The following BCL2 variants were observed in gnomAD, a reference collection of about 807,000 sequenced individuals.
BCL2 encodes apoptosis regulator Bcl-2.
Under a neutral mutation model 14.2 loss-of-function variants are expected in BCL2, and 1 was observed. The observed-to-expected ratio is 0.07, with a 90% CI of 0.02 to 0.33. The LOEUF is 0.33. Among genes scored for constraint, BCL2 ranks in the 10% least tolerant of loss-of-function variants. The pLI is 0.99. For synonymous variants in BCL2, 151 were observed against 137.2 expected (o/e 1.10, Z -0.70); for missense variants, 247 against 305.9 (o/e 0.81, Z 1.44).
chr18:63,302,431 G>C (rs1213354095), intron 2 of BCL2: 1 of 985,232 alleles, frequency 1.0e-6, no homozygotes, highest in African/African-American at 1.7e-5. Flanking sequence ...TTAATGAAAG[G>C]TCACTATTGT....
At chr18:63,254,704 T>C (rs1341640875) in intron 2 of BCL2, among the ~76,000 whole-genome samples, 8 of 152,138 alleles carry the variant, frequency 5.3e-5, no homozygotes, top group African/African-American at 1.7e-4. Flanking sequence ...AAAATATGGG[T>C]TATAGAAAAG....
chr18:63,295,976 T>C (rs1306633274), intron 2 of BCL2, among the ~76,000 whole-genome samples: 1 of 152,170 alleles, frequency 6.6e-6, no homozygotes, highest in Non-Finnish European at 1.5e-5. Context: ...CACATGCTTG[T>C]CTCACCCTGA....
In BCL2 at chr18:63,127,421, C is replaced by T. The variant is rs1564483; in HGVS notation, c.*1204G>A. ...CAGTGATACATGTCTTAAGAAGGGT[C>T]GTGGCTCCCATGCTCCACGTGAAAA... On this transcript the variant is annotated 3_prime_UTR_variant, in exon 3 of 3. Coordinates refer to ENST00000333681, the MANE Select transcript of BCL2 (RefSeq NM_000633.3). 54,375 of 235,960 alleles carry T rather than the reference C, an allele frequency of 0.23. 6,861 individuals carry two copies. The highest frequency in any genetic ancestry group is 0.32 in the East Asian group (5,418 of 16,980). 14.6% of individuals were successfully genotyped at this position (235,960 alleles called of 1,614,324 possible).
At chr18:63,198,199 G>A (rs1909504123) in intron 2 of BCL2, among the ~76,000 whole-genome samples, 1 of 148,948 alleles carries the variant, frequency 6.7e-6, no homozygotes, top group African/African-American at 2.5e-5. Flanking sequence ...CACACACAGA[G>A]ACACACACAG....
At chr18:63,275,341 C>G (rs1912123308) in intron 2 of BCL2, among the ~76,000 whole-genome samples, 1 of 152,158 alleles carries the variant, frequency 6.6e-6, no homozygotes, top group African/African-American at 2.4e-5. Context: ...TGAAAACACA[C>G]TCAGCAACAA....
At chr18:63,273,259 A>G (rs942905697) in intron 2 of BCL2, among the ~76,000 whole-genome samples, 1 of 152,240 alleles carries the variant, frequency 6.6e-6, no homozygotes, top group Non-Finnish European at 1.5e-5. Flanking sequence ...TGGAAAATGC[A>G]TCATACAAAC....
chr18:63,145,126 T>A (rs1333687701), intron 2 of BCL2, among the ~76,000 whole-genome samples: 1 of 152,202 alleles, frequency 6.6e-6, no homozygotes, highest in East Asian at 1.9e-4. Flanking sequence ...AGAACAAAAT[T>A]TCCTTGAGTC....
intron 2 of BCL2, among the ~76,000 whole-genome samples, chr18:63,199,414 AACAT>A (rs1167053867): frequency 1.1e-4 from 17 of 151,654 alleles, no homozygotes; most frequent in Admixed American, 1.1e-3. Flanking sequence ...CACAGCCATA[AACAT>A]ACAAACACTA....
At chr18:63,251,654 AAG>A (rs1911320630) in intron 2 of BCL2, among the ~76,000 whole-genome samples, 1 of 151,074 alleles carries the variant, frequency 6.6e-6, no homozygotes. Flanking sequence ...CAAAAAAAAA[AAG>A]AAAGAAAGAA....
intron 2 of BCL2, chr18:63,151,441 GTT>G: frequency 6.9e-6 from 1 of 145,644 alleles, no homozygotes; most frequent in East Asian, 2.1e-4. Context: ...GGCCATGACG[GTT>G]CAGAGAAGGG....
At chr18:63,188,450 A>G (rs973760327) in intron 2 of BCL2, among the ~76,000 whole-genome samples, 2 of 152,212 alleles carry the variant, frequency 1.3e-5, no homozygotes, top group African/African-American at 4.8e-5. Context: ...TGCCATCATC[A>G]TTATCTTCAA....
chr18:63,170,852 G>A lies in BCL2; in HGVS notation c.586-42093C>T, dbSNP rs372040641. 6.6e-5 allele frequency among the ~76,000 whole-genome samples: 10 copies of A among 152,314 alleles called. No homozygotes were observed. The East Asian group carries it at 9.6e-4, about 15-fold the overall frequency. ...TCACTGGGCTCACAAGCTACAGGTC[G>A]CACATGGGTGACTGTCAACAGTTGG... is the stretch of plus-strand genomic sequence containing the variant. On this transcript the variant is annotated intron_variant, in intron 2 of 2. Coordinates refer to ENST00000333681, the MANE Select transcript of BCL2 (RefSeq NM_000633.3).
chr18:63,172,508 G>A (rs527455651), intron 2 of BCL2, among the ~76,000 whole-genome samples: 40 of 152,290 alleles, frequency 2.6e-4, no homozygotes, highest in Admixed American at 1.9e-3. Flanking sequence ...CCGGCCGGGC[G>A]TGGTGGTTCA....
At chr18:63,274,509 T>A (rs1912095641) in intron 2 of BCL2, among the ~76,000 whole-genome samples, 1 of 152,086 alleles carries the variant, frequency 6.6e-6, no homozygotes. Context: ...GGTCTCAAAC[T>A]CCTGACTTCA....
At chr18:63,263,567 ATCTGTTTC>A (rs200483573) in intron 2 of BCL2, among the ~76,000 whole-genome samples, 1,677 of 152,332 alleles carry the variant, frequency 0.011, 95 homozygotes, top group Admixed American at 0.086. Flanking sequence ...AAGGGTGTCA[ATCTGTTTC>A]TCCCGTTTCT....
In BCL2 at chr18:63,127,768, T is replaced by C. The variant is rs1284433402; in HGVS notation, c.*857A>G. The C allele has an allele frequency of 1.3e-5, 3 of 225,554 alleles. No individual in the cohort carries two copies. Among genetic ancestry groups the C allele is most frequent in the Non-Finnish European group, 2.7e-5 (3 of 113,160 alleles). 14.0% of individuals were successfully genotyped at this position (225,554 alleles called of 1,614,324 possible). A position where few individuals can be genotyped will look rare whatever the true frequency, so the allele number is the denominator to read the frequency against. On this transcript the variant is annotated 3_prime_UTR_variant, in exon 3 of 3. Transcript: ENST00000333681. ...TCCTCAAGTTCCAGAGGATTCTGTT[T>C]CTTACTCAGACAGAGCCAGTATTGG...
intron 2 of BCL2, among the ~76,000 whole-genome samples, chr18:63,134,419 C>T (rs909253851): frequency 3.9e-5 from 6 of 152,128 alleles, no homozygotes; most frequent in South Asian, 2.1e-4. Context: ...AACAGGCCCC[C>T]GGTTAAGTGA....
intron 2 of BCL2, among the ~76,000 whole-genome samples, chr18:63,229,701 C>T (rs9320014): frequency 0.8 from 121,532 of 152,198 alleles, 50,371 homozygotes; most frequent in Non-Finnish European, 0.92. Context: ...GGCACCATGA[C>T]TGTACAGCCT....
chr18:63,215,817 G>C (rs564104482), intron 2 of BCL2, among the ~76,000 whole-genome samples: 2 of 152,172 alleles, frequency 1.3e-5, no homozygotes, highest in Non-Finnish European at 2.9e-5. Context: ...AGGGTGGTGA[G>C]ATTTTTTTTA....
Sources: gnomAD v4.1 joint callset for allele counts (sites outside exome capture counted in the v4.1 genomes callset) on GRCh38, gnomAD v4.1.1 for gene constraint, MANE v1.5 for transcripts, NCBI Gene and HGNC (gene_info 2026-07-23, HGNC 2026-07-21) for gene names.